The following AGBL4 variants were observed in gnomAD, a reference collection of about 807,000 sequenced individuals.
AGBL4 encodes cytosolic carboxypeptidase 6.
AGBL4 carries 58 observed loss-of-function variants against 66.4 expected under a neutral mutation model. The observed-to-expected ratio is 0.87, with a 90% confidence interval of 0.71 to 1.09. The LOEUF (loss-of-function observed/expected upper bound fraction) is 1.09. Ranked by LOEUF, AGBL4 falls within the 50% of genes least tolerant of loss-of-function variation. The pLI is 0.00. For synonymous variants in AGBL4, 234 were observed against 222.9 expected (o/e 1.05, Z -0.44); for missense variants, 579 against 631.0 (o/e 0.92, Z 0.88).
intron 4 of AGBL4, among the ~76,000 whole-genome samples, chr1:49,245,417 AT>A (rs1254554723): frequency 6.6e-6 from 1 of 151,606 alleles, no homozygotes; most frequent in Non-Finnish European, 1.5e-5. Context: ...AACTTTATTT[AT>A]GTTTCCAAAG....
At chr1:49,851,255 A>AT (rs1646294898) in intron 2 of AGBL4, 141 bp downstream of exon 2, 3 of 971,134 alleles carry the variant, frequency 3.1e-6, no homozygotes, top group Non-Finnish European at 2.8e-6. Context: ...TTCCTTCAAA[A>AT]TTTTTTCCCA....
intron 6 of AGBL4, among the ~76,000 whole-genome samples, chr1:48,756,936 G>A (rs1317766271): frequency 6.6e-6 from 1 of 152,214 alleles, no homozygotes; most frequent in Non-Finnish European, 1.5e-5. Flanking sequence ...TGGCCTTCAA[G>A]GCCTGTGGGA....
At chr1:49,278,188 C>G (rs912579637) in intron 3 of AGBL4, among the ~76,000 whole-genome samples, 1 of 151,982 alleles carries the variant, frequency 6.6e-6, no homozygotes, top group Non-Finnish European at 1.5e-5. Context: ...ACAAACCATT[C>G]TGTGTCCCTC....
At chr1:49,023,982 T>C (rs1663443100) in intron 5 of AGBL4, among the ~76,000 whole-genome samples, 1 of 152,148 alleles carries the variant, frequency 6.6e-6, no homozygotes, top group African/African-American at 2.4e-5. Flanking sequence ...CTGTTGTACC[T>C]TTCACTTTGA....
intron 8 of AGBL4, among the ~76,000 whole-genome samples, chr1:48,641,157 A>G (rs997753565): frequency 6.6e-6 from 1 of 152,178 alleles, no homozygotes; most frequent in Non-Finnish European, 1.5e-5. Flanking sequence ...ACCAAAAGCA[A>G]AATAAATATT....
At chr1:49,182,079 T>C (rs888181600) in intron 4 of AGBL4, among the ~76,000 whole-genome samples, 15 of 152,074 alleles carry the variant, frequency 9.9e-5, no homozygotes, top group Admixed American at 7.9e-4. Flanking sequence ...AATAGAAGAA[T>C]TGGACAAAAA....
intron 1 of AGBL4, among the ~76,000 whole-genome samples, chr1:49,874,982 C>G (rs373746534): frequency 9.6e-6 from 1 of 104,508 alleles, no homozygotes; most frequent in Non-Finnish European, 1.9e-5. Context: ...CCCCTCCCCC[C>G]ACCCCACAAC....
chr1:48,667,788 A>G (rs950106783), intron 6 of AGBL4, among the ~76,000 whole-genome samples: 2 of 152,218 alleles, frequency 1.3e-5, no homozygotes, highest in African/African-American at 4.8e-5. Context: ...TTGGCCAGTT[A>G]TTATGGATCT....
At chr1:48,770,567 A>G (rs957541584) in intron 6 of AGBL4, among the ~76,000 whole-genome samples, 2 of 152,128 alleles carry the variant, frequency 1.3e-5, no homozygotes, top group Admixed American at 6.5e-5. Context: ...TCCTTAGTTC[A>G]TGACTTCCAG....
chr1:49,717,503 A>G (rs1280277287), intron 2 of AGBL4, among the ~76,000 whole-genome samples: 3 of 152,016 alleles, frequency 2.0e-5, no homozygotes, highest in Non-Finnish European at 1.5e-5. Context: ...TAACTGCTCA[A>G]ATTTCACTTC....
At chr1:50,021,503 A>G (rs1662438611) in intron 1 of AGBL4, among the ~76,000 whole-genome samples, 1 of 152,146 alleles carries the variant, frequency 6.6e-6, no homozygotes, top group African/African-American at 2.4e-5. Flanking sequence ...GCCCCTTCCA[A>G]TGCTCCCTAT....
intron 6 of AGBL4, among the ~76,000 whole-genome samples, chr1:48,690,823 T>G (rs2148492216): frequency 6.6e-6 from 1 of 152,294 alleles, no homozygotes; most frequent in Non-Finnish European, 1.5e-5. Context: ...TCACATTTTC[T>G]AATAGCCCTC....
intron 4 of AGBL4, among the ~76,000 whole-genome samples, chr1:49,219,395 A>G (rs1159427338): frequency 6.6e-6 from 1 of 152,160 alleles, no homozygotes; most frequent in Non-Finnish European, 1.5e-5. Flanking sequence ...CAATACAATT[A>G]TCAGTCTTTT....
intron 3 of AGBL4, among the ~76,000 whole-genome samples, chr1:49,310,069 A>C (rs1644917572): frequency 6.6e-6 from 1 of 152,044 alleles, no homozygotes. Flanking sequence ...CTAAGGAAAG[A>C]CTATTCCAGA....
intron 3 of AGBL4, among the ~76,000 whole-genome samples, chr1:49,580,386 CTTTG>C (rs1644519753): frequency 6.6e-6 from 1 of 152,070 alleles, no homozygotes; most frequent in Non-Finnish European, 1.5e-5. Flanking sequence ...TGTAAAAATT[CTTTG>C]TTTCTTTATT....
intron 8 of AGBL4, among the ~76,000 whole-genome samples, chr1:48,640,062 A>G (rs75200883): frequency 0.017 from 2,649 of 152,126 alleles, 89 homozygotes; most frequent in African/African-American, 0.061. Flanking sequence ...GTGCTCTTGT[A>G]TTCTATTATT....
At chr1:48,597,718 GAGGGA>G (rs1432805974) in intron 9 of AGBL4, among the ~76,000 whole-genome samples, 1 of 122,784 alleles carries the variant, frequency 8.1e-6, no homozygotes, top group Admixed American at 8.6e-5. Flanking sequence ...GAGGAGAGAG[GAGGGA>G]AGGGGAGGGG....
intron 4 of AGBL4, among the ~76,000 whole-genome samples, chr1:49,190,536 T>A (rs1647097836): frequency 6.6e-6 from 1 of 152,184 alleles, no homozygotes; most frequent in Non-Finnish European, 1.5e-5. Context: ...TTAACAGCCA[T>A]TGAATACCCA....
intron 3 of AGBL4, among the ~76,000 whole-genome samples, chr1:49,363,152 A>G (rs1017862017): frequency 7.9e-5 from 12 of 152,224 alleles, no homozygotes; most frequent in African/African-American, 2.9e-4. Flanking sequence ...AGAAAACACC[A>G]TAATTTAAAG....
Sources: allele counts gnomAD v4.1 joint callset (sites outside exome capture counted in the v4.1 genomes callset), GRCh38; gene constraint gnomAD v4.1.1; transcripts MANE v1.5; gene names NCBI Gene and HGNC (gene_info 2026-07-23, HGNC 2026-07-21).